Variants in LYZL4 observed in about 807,000 individuals in gnomAD.
LYZL4 encodes lysozyme-like protein 4.
Under a neutral mutation model 17.6 loss-of-function variants are expected in LYZL4, and 13 were observed. That is an observed-to-expected ratio of 0.74 (90% confidence interval 0.48 to 1.18). LYZL4 has a LOEUF of 1.18. Ranked by LOEUF, LYZL4 falls within the 50% of genes most tolerant of loss-of-function variation. The pLI is 0.00. For missense variants in LYZL4, 174 were observed against 188.2 expected (o/e 0.92, Z 0.44); for synonymous variants, 64 against 67.7 (o/e 0.95, Z 0.27).
chr3:42,386,211 T>C, the LYZL4 span, among the ~76,000 whole-genome samples: 1 of 152,194 alleles, frequency 6.6e-6, no homozygotes, highest in Non-Finnish European at 1.5e-5. Flanking sequence ...CAAGAGATTC[T>C]TGTGCCTCAG....
intron 1 of LYZL4, among the ~76,000 whole-genome samples, chr3:42,408,025 C>T (rs532704438): frequency 6.6e-6 from 1 of 152,276 alleles, no homozygotes; most frequent in African/African-American, 2.4e-5. Context: ...TTGAGTTTAA[C>T]CTTCTCCATT....
chr3:42,386,108 TC>T, the LYZL4 span, among the ~76,000 whole-genome samples: 1 of 152,010 alleles, frequency 6.6e-6, no homozygotes, highest in South Asian at 2.1e-4. Context: ...CCTTTTTTTT[TC>T]TTTCTTTTTT....
intron 1 of LYZL4, among the ~76,000 whole-genome samples, chr3:42,408,461 T>A (rs1288516376): frequency 6.6e-6 from 1 of 152,172 alleles, no homozygotes; most frequent in East Asian, 1.9e-4. Flanking sequence ...TGCTGCATCT[T>A]GAGGCCTCAC....
rs990569655 is a variant in LYZL4 at position 42,397,116 on chromosome 3, C to T, written c.*149G>A. 3.7e-5 allele frequency: 22 copies of T among 594,632 alleles called. No individual in the cohort carries two copies. Among genetic ancestry groups the T allele is most frequent in the African/African-American group, 3.3e-4 (18 of 54,206 alleles). 36.8% of individuals were successfully genotyped at this position (594,632 alleles called of 1,614,324 possible). The stretch of plus-strand genomic sequence containing the variant: ...CTAGTTTGGTTTATTCTGCATCCTG[C>T]ATCCCCGGATGAAGCAAACTTTTGT... On this transcript the variant is annotated 3_prime_UTR_variant, in exon 5 of 5. Coordinates refer to ENST00000287748, the MANE Select transcript of LYZL4 (RefSeq NM_144634.4).
At chr3:42,381,961 A>G in the LYZL4 span, among the ~76,000 whole-genome samples, 1 of 152,194 alleles carries the variant, frequency 6.6e-6, no homozygotes, top group Non-Finnish European at 1.5e-5. Flanking sequence ...GTGAGGGGGA[A>G]AAACATCCTA....
the LYZL4 span, among the ~76,000 whole-genome samples, chr3:42,385,234 G>T: frequency 6.6e-6 from 1 of 151,504 alleles, no homozygotes. Context: ...GGACAGTCAT[G>T]CATTACATTA....
At chr3:42,401,577 A>C (rs772040206) in intron 4 of LYZL4, among the ~76,000 whole-genome samples, 5 of 152,196 alleles carry the variant, frequency 3.3e-5, no homozygotes, top group Non-Finnish European at 5.9e-5. Flanking sequence ...AAATTTTATA[A>C]AACTGACATC....
intron 4 of LYZL4, among the ~76,000 whole-genome samples, chr3:42,403,161 G>GA (rs1186391676): frequency 6.6e-6 from 1 of 151,036 alleles, no homozygotes; most frequent in Non-Finnish European, 1.5e-5. Flanking sequence ...GAGCAAAGAA[G>GA]AAAAAAATTA....
At chr3:42,376,314 G>GC in the LYZL4 span, among the ~76,000 whole-genome samples, 31 of 152,088 alleles carry the variant, frequency 2.0e-4, no homozygotes, top group East Asian at 1.7e-3. Context: ...CATTGTTGGT[G>GC]CCCCCCCACC....
chr3:42,392,278 G>A (rs768332279), downstream of LYZL4, among the ~76,000 whole-genome samples: 1 of 152,310 alleles, frequency 6.6e-6, no homozygotes, highest in Admixed American at 6.5e-5. Context: ...ATGGCAGAGT[G>A]TGGGGGTAGA....
chr3:42,402,016 T>C lies in LYZL4; in HGVS notation c.371+2030A>G, dbSNP rs983621828. 2.0e-5 allele frequency among the ~76,000 whole-genome samples: 3 copies of C among 150,962 alleles called. No homozygotes were observed. The Admixed American group carries it at 2.0e-4, about 10-fold the overall frequency. On this transcript the variant is annotated intron_variant, in intron 4 of 4. Transcript: ENST00000287748. ...AAAGCTTTTAGGAAAAAAAGGAGAA[T>C]ATCCTCAAGACCAAGGAATAGGCAG...
chr3:42,370,419 T>G, the LYZL4 span, among the ~76,000 whole-genome samples: 1 of 152,178 alleles, frequency 6.6e-6, no homozygotes, highest in Non-Finnish European at 1.5e-5. Context: ...TGGCTTGCTC[T>G]TCTGCCCTCT....
the LYZL4 span, among the ~76,000 whole-genome samples, chr3:42,368,253 C>T: frequency 5.9e-5 from 9 of 152,192 alleles, no homozygotes; most frequent in South Asian, 2.1e-4. Flanking sequence ...TAATAGCTAT[C>T]GGTCACAGAT....
the LYZL4 span, among the ~76,000 whole-genome samples, chr3:42,369,582 T>C: frequency 6.6e-6 from 1 of 152,164 alleles, no homozygotes; most frequent in East Asian, 1.9e-4. Context: ...CAGGATGCAG[T>C]CGCCAAGCTG....
rs1698587906 is a variant in LYZL4, at chr3:42,398,140, G to A, written c.372-806C>T. 2.0e-5 allele frequency among the ~76,000 whole-genome samples: 3 copies of A among 152,152 alleles called. No individual in the cohort carries two copies. The South Asian group carries it at 6.2e-4, about 31-fold the overall frequency. Reference sequence around the variant, plus strand: ...GGAAACATACACACAGGTATTTTCAGAAATCCCAAGGCTCTCCATAGCTCA... The same window carrying A: ...GGAAACATACACACAGGTATTTTCAAAAATCCCAAGGCTCTCCATAGCTCA... On this transcript the variant is annotated intron_variant, in intron 4 of 4. Transcript: ENST00000287748.
At chr3:42,387,503 C>A in the LYZL4 span, among the ~76,000 whole-genome samples, 1 of 152,132 alleles carries the variant, frequency 6.6e-6, no homozygotes, top group Admixed American at 6.5e-5. Context: ...GGAGGGAGAG[C>A]CACAGAGGGT....
At chr3:42,369,013 A>G in the LYZL4 span, among the ~76,000 whole-genome samples, 1 of 152,180 alleles carries the variant, frequency 6.6e-6, no homozygotes, top group Non-Finnish European at 1.5e-5. Flanking sequence ...GCCTCCATCC[A>G]ATTTTAATGA....
rs925694111 is a variant in LYZL4 at position 42,406,906 on chromosome 3, T to A, written c.232A>T (p.Met78Leu). Residue 78 changes from methionine to leucine, a missense_variant, in exon 3 of 5, where the codon ATG (methionine) becomes TTG (leucine). Met to Leu is a conservative substitution (Grantham distance 15). Coordinates refer to ENST00000287748, the MANE Select transcript of LYZL4 (RefSeq NM_144634.4). ...TCGCCACACCAGTCACTGCCACGCA[T>A]CTGAAAGAGGCCAAAGCCAGTGTAG... is the stretch of plus-strand genomic sequence containing the variant. ...EGYTGFGLFQMRGSDWCGDHG... is the reference protein window; with the variant it reads ...EGYTGFGLFQLRGSDWCGDHG... The A allele has an allele frequency of 1.2e-6, 2 of 1,614,154 alleles. No individual in the cohort carries two copies. The highest frequency in any genetic ancestry group is 1.7e-6 in the Non-Finnish European group (2 of 1,180,016).
chr3:42,367,884 A>G, the LYZL4 span, among the ~76,000 whole-genome samples: 4 of 152,362 alleles, frequency 2.6e-5, no homozygotes, highest in African/African-American at 9.6e-5. Context: ...ACAAAGCATA[A>G]GGAAAAAAAT....
Sources: gnomAD v4.1 joint callset for allele counts (sites outside exome capture counted in the v4.1 genomes callset) on GRCh38, gnomAD v4.1.1 for gene constraint, MANE v1.5 for transcripts, NCBI Gene and HGNC (gene_info 2026-07-23, HGNC 2026-07-21) for gene names.